TRPV6: variants seen among roughly 807,000 people sequenced by gnomAD.
The protein encoded by TRPV6 is transient receptor potential cation channel subfamily V member 6, also known as Alu-binding protein with zinc finger domain.
In TRPV6, 39 loss-of-function variants were observed where a neutral mutation model predicts 79.0. That is an observed-to-expected ratio of 0.49 (90% CI 0.38 to 0.64). TRPV6 has a LOEUF of 0.64. TRPV6 is among the 30% of genes least tolerant of loss of function. The pLI, the probability that TRPV6 is intolerant of heterozygous loss-of-function variation, is 0.00. For missense variants in TRPV6, 813 were observed against 1,011.1 expected, an observed-to-expected ratio of 0.80 and a Z score of 2.66; for synonymous variants, 373 against 391.9, an observed-to-expected ratio of 0.95 and a Z score of 0.57.
intron 8 of TRPV6, 118 bp downstream of exon 8, chr7:142,875,349 AC>A (rs1795036452): frequency 1.6e-6 from 2 of 1,285,690 alleles, no homozygotes; most frequent in Admixed American, 4.5e-5. Context: ...TGGAGTTTGT[AC>A]CCATATATTT....
chr7:142,872,909 T>C (rs557912203), intron 13 of TRPV6, among the ~76,000 whole-genome samples: 11 of 152,338 alleles, frequency 7.2e-5, no homozygotes, highest in African/African-American at 2.6e-4. Context: ...GAAATTTCCA[T>C]TATTTTGCTG....
rs1157112193 is a variant in TRPV6, at chr7:142,872,375, A to G, written c.2012T>C (p.Leu671Pro). 3 of 1,614,072 alleles carry G rather than the reference A, an allele frequency of 1.9e-6. No homozygotes were observed. In the South Asian group the frequency reaches 3.3e-5, roughly 18 times the overall value. ...CCTACCCCCGCATATCACTCACCGC[A>G]GGAACCAGCGGTCTCCCAGGCCATA... is the stretch of plus-strand genomic sequence containing the variant. The change falls in exon 14 of 15, where the codon CTG (leucine) becomes CCG (proline). Residue 671 changes from leucine (L) to proline (P), a missense_variant. This residue lies in a region of TRPV6 where 164 missense variants were observed against 186.1 expected (regional missense o/e 0.88). Coordinates refer to ENST00000359396, the MANE Select transcript of TRPV6 (RefSeq NM_018646.6).
At chr7:142,876,716 C>A (rs745799499) in intron 5 of TRPV6, 23 bp downstream of exon 5, 59 of 1,613,888 alleles carry the variant, frequency 3.7e-5, no homozygotes, top group Non-Finnish European at 4.9e-5. Context: ...CATCCCAGCT[C>A]CCCTCCCCAT....
chr7:142,885,337 A>G, intron 1 of TRPV6, 52 bp downstream of exon 1: 1 of 1,546,346 alleles, frequency 6.5e-7, no homozygotes, highest in Non-Finnish European at 8.8e-7. Context: ...GGTGAGGGGT[A>G]GAGGTGCAGG....
At chr7:142,874,233 C>T in intron 11 of TRPV6, 91 bp from the exon 12 acceptor site, 2 of 1,402,202 alleles carry the variant, frequency 1.4e-6, no homozygotes, top group Middle Eastern at 1.7e-4. Flanking sequence ...CGACAAGTCT[C>T]ACAGCTCCAC....
rs779880733 is a variant in TRPV6 at position 142,885,552 on chromosome 7, G to T, written c.85C>A (p.Arg29=). 5.1e-6 allele frequency: 8 copies of T among 1,579,748 alleles called. No homozygotes were observed. The African/African-American group carries it at 9.4e-5, about 19-fold the overall frequency. Residue 29 remains arginine (R), a synonymous_variant, in exon 1 of 15, where the codon CGG becomes AGG. Coordinates refer to ENST00000359396, the MANE Select transcript of TRPV6 (RefSeq NM_018646.6). ...GCCGGCTCCTTGGGGGCCTGAGGCC[G>T]AGGCCAGACCCTGACGGGACTCAGC...
rs773569482 is a variant in TRPV6, at chr7:142,875,776, G to A, written c.1011C>T (p.Ile337=). The A allele has an allele frequency of 2.5e-6, 4 of 1,605,964 alleles. No individual in the cohort carries two copies. The highest frequency in any genetic ancestry group is 2.2e-5 in the South Asian group (2 of 90,280). The change falls in exon 7 of 15, where the codon ATC becomes ATT. Residue 337 remains isoleucine (I), a synonymous_variant. Coordinates refer to ENST00000359396, the MANE Select transcript of TRPV6 (RefSeq NM_018646.6). ...GCCATACCTCCCGCTTCTTGGTGGT[G>A]ATGATAAGTTCCAGCAGGGACTGCT... is the stretch of plus-strand genomic sequence containing the variant.
At chr7:142,872,551 T>G in intron 13 of TRPV6, 73 bp from the exon 14 acceptor site, 1 of 1,446,358 alleles carries the variant, frequency 6.9e-7, no homozygotes, top group East Asian at 2.5e-5. Context: ...GGGCAGCCTT[T>G]GTTGACCTTC....
At chr7:142,878,175 T>C (rs1347071606) in intron 1 of TRPV6, 149 bp from the exon 2 acceptor site, 8 of 647,290 alleles carry the variant, frequency 1.2e-5, no homozygotes, top group Admixed American at 5.1e-5. Flanking sequence ...GGTGGGGCCA[T>C]TGATGTCTTT....
At position 142,878,014 on chromosome 7, in the gene TRPV6, AGAC is replaced by A; in HGVS notation, c.258_260del (p.Glu86_Ser87delinsAsp). The A allele has an allele frequency of 6.2e-7, 1 of 1,614,104 alleles. No individual in the cohort carries two copies. The highest frequency in any genetic ancestry group is 8.5e-7 in the Non-Finnish European group (1 of 1,179,960). ...TATCTTTGGCAGCTAGAAGGAGAGGAGACTCCCAGATCCTATGAAGGGATGGAA... is the reference window on the plus strand; with the variant it reads ...TATCTTTGGCAGCTAGAAGGAGAGGATCCCAGATCCTATGAAGGGATGGAA... On this transcript the variant is annotated inframe_deletion, in exon 2 of 15. Transcript: ENST00000359396.
chr7:142,874,280 AC>A, intron 11 of TRPV6, 138 bp from the exon 12 acceptor site: 1 of 1,147,920 alleles, frequency 8.7e-7, no homozygotes, highest in Middle Eastern at 2.0e-4. Flanking sequence ...TGGCCTGTGG[AC>A]CAGATCTACC....
chr7:142,875,728 C>G (rs1306276264), intron 7 of TRPV6, 30 bp downstream of exon 7: 1 of 1,598,158 alleles, frequency 6.3e-7, no homozygotes, highest in Non-Finnish European at 8.5e-7. Context: ...ACACCCCTCC[C>G]CAGCCACAGC....
At chr7:142,877,491 A>T (rs1757051643) in intron 3 of TRPV6, 160 bp downstream of exon 3, 2 of 1,446,786 alleles carry the variant, frequency 1.4e-6, no homozygotes, top group East Asian at 2.3e-5. Flanking sequence ...CGTTCTAGTG[A>T]TGGGCAGTCA....
Position 142,872,479 on chromosome 7 carries a change from C to G in TRPV6, c.1909-1G>C. ...CCAGCATCACTGTGGTGGCCACAAT[C>G]TGCGTATGGGAACAAAAGGAGAAGT... On this transcript the variant is annotated splice_acceptor_variant, in intron 13 of 14. Transcript: ENST00000359396. LOFTEE classifies it high-confidence loss of function. 6.2e-7 allele frequency: 1 copy of G among 1,612,068 alleles called. No homozygotes were observed. Among genetic ancestry groups the G allele is most frequent in the Non-Finnish European group, 8.5e-7 (1 of 1,179,108 alleles).
Position 142,871,358 on chromosome 7 carries a change from C to G in TRPV6, c.*349G>C. The G allele has an allele frequency of 2.2e-6, 1 of 449,986 alleles. No homozygotes were observed. 27.9% of individuals were successfully genotyped at this position (449,986 alleles called of 1,614,324 possible). A position where few individuals can be genotyped will look rare whatever the true frequency, so the allele number is the denominator to read the frequency against. Reference sequence around the variant, plus strand: ...GCCTGGGTGCCCTGGGAAGGGCTCTCTCCCCACTTATGACCCTGGGGTGGA... The same window carrying G: ...GCCTGGGTGCCCTGGGAAGGGCTCTGTCCCCACTTATGACCCTGGGGTGGA... On this transcript the variant is annotated 3_prime_UTR_variant, in exon 15 of 15. Transcript: ENST00000359396.
chr7:142,876,023 G>T, intron 6 of TRPV6, 119 bp from the exon 7 acceptor site: 1 of 1,165,782 alleles, frequency 8.6e-7, no homozygotes, highest in Non-Finnish European at 1.2e-6. Flanking sequence ...CTTTCATTTT[G>T]ATGACAGCCT....
rs1158276489 is a variant in TRPV6, at chr7:142,871,728, C to T, written c.2277G>A (p.Glu759=). 4 of 1,605,714 alleles carry T rather than the reference C, an allele frequency of 2.5e-6. No homozygotes were observed. Among genetic ancestry groups the T allele is most frequent in the Non-Finnish European group, 3.4e-6 (4 of 1,174,428 alleles). The change falls in exon 15 of 15, where the codon GAG becomes GAA. Residue 759 remains glutamate, a synonymous_variant. Transcript: ENST00000359396. ...GCAGTCAGATCTGATATTCCCAGCT[C>T]TCCCCGTCCTCCAGACCCCTGTTGA...
At chr7:142,875,400 G>A in intron 8 of TRPV6, 68 bp downstream of exon 8, 1 of 1,476,202 alleles carries the variant, frequency 6.8e-7, no homozygotes, top group Non-Finnish European at 9.1e-7. Flanking sequence ...AGGGAGGAAA[G>A]GGACACCAGT....
At chr7:142,877,466 A>G (rs1163045244) in intron 3 of TRPV6, 185 bp downstream of exon 3, 81 of 1,455,004 alleles carry the variant, frequency 5.6e-5, no homozygotes, top group Non-Finnish European at 7.0e-5. Context: ...GGCCCCTGGC[A>G]TTTCAGGGGG....
Sources: gnomAD v4.1 joint callset for allele counts (sites outside exome capture counted in the v4.1 genomes callset) on GRCh38, gnomAD v4.1.1 for gene constraint, gnomAD v4.1.1 regional missense constraint, MANE v1.5 for transcripts, NCBI Gene and HGNC (gene_info 2026-07-23, HGNC 2026-07-21) for gene names.